The following UBE2E2 variants were observed in gnomAD, a reference collection of about 807,000 sequenced individuals.
UBE2E2 encodes ubiquitin-conjugating enzyme E2 E2.
In UBE2E2, 6 loss-of-function variants were observed where a neutral mutation model predicts 24.7. The ratio of observed to expected loss-of-function variants is 0.24; its 90% CI spans 0.13 to 0.48. The LOEUF is 0.48. Among genes scored for constraint, UBE2E2 ranks in the 20% least tolerant of loss-of-function variants. The pLI is 0.99. For synonymous variants in UBE2E2, 104 were observed against 83.6 expected (o/e 1.24, Z -1.33); for missense variants, 169 against 245.0 (o/e 0.69, Z 2.07).
At chr3:23,482,543 G>A (rs1176365349) in intron 3 of UBE2E2, among the ~76,000 whole-genome samples, 1 of 152,024 alleles carries the variant, frequency 6.6e-6, no homozygotes, top group African/African-American at 2.4e-5. Context: ...CGCTGTTCTT[G>A]ACTCCCTTTG....
chr3:23,332,336 G>A (rs375678795), intron 3 of UBE2E2, among the ~76,000 whole-genome samples: 35 of 152,110 alleles, frequency 2.3e-4, no homozygotes, highest in East Asian at 1.4e-3. Context: ...TAGAGATGGG[G>A]CTTCATGATG....
chr3:23,357,229 G>A (rs1038288957), intron 3 of UBE2E2, among the ~76,000 whole-genome samples: 3 of 152,206 alleles, frequency 2.0e-5, no homozygotes, highest in Non-Finnish European at 4.4e-5. Context: ...TATTTGGGCA[G>A]TGTAAGGTTT....
intron 3 of UBE2E2, among the ~76,000 whole-genome samples, chr3:23,413,716 TA>T (rs759321990): frequency 6.6e-6 from 1 of 152,146 alleles, no homozygotes; most frequent in Non-Finnish European, 1.5e-5. Flanking sequence ...CGTCATCCAC[TA>T]GAGAGTAATT....
At chr3:23,521,310 A>C (rs896907251) in intron 4 of UBE2E2, among the ~76,000 whole-genome samples, 2 of 152,238 alleles carry the variant, frequency 1.3e-5, no homozygotes, top group Non-Finnish European at 2.9e-5. Flanking sequence ...CACTGTCTTT[A>C]GTTAAACAGC....
At position 23,271,448 on chromosome 3, in the gene UBE2E2, A is replaced by G. The variant is rs191041012; in HGVS notation, c.227+54136A>G. On this transcript the variant is annotated intron_variant, in intron 3 of 5. Coordinates refer to ENST00000396703, the MANE Select transcript of UBE2E2 (RefSeq NM_152653.4). ...AAGAGCCAAAGAACAAAGCTTCCAC[A>G]GCGTGGTAAGGGGACCCGAGTGGGT... 2.6e-5 allele frequency among the ~76,000 whole-genome samples: 4 copies of G among 152,316 alleles called. No homozygotes were observed. The East Asian group carries it at 7.7e-4, about 29-fold the overall frequency.
intron 5 of UBE2E2, among the ~76,000 whole-genome samples, chr3:23,568,438 T>A (rs1696128742): frequency 6.6e-6 from 1 of 151,856 alleles, no homozygotes. Flanking sequence ...TTATTATCAT[T>A]TTTTCTTTCG....
chr3:23,313,778 T>A (rs1694488688), intron 3 of UBE2E2, among the ~76,000 whole-genome samples: 1 of 152,186 alleles, frequency 6.6e-6, no homozygotes, highest in South Asian at 2.1e-4. Context: ...AGTAAGGATT[T>A]GCTCCTGCCG....
rs150242876 is a variant in UBE2E2 at position 23,272,560 on chromosome 3, G to A, written c.227+55248G>A. The stretch of plus-strand genomic sequence containing the variant: ...GCCGCCAGCACGTTGTCACCTCTCA[G>A]TATGAGTGTGTTGTAGTGTATGTGT... On this transcript the variant is annotated intron_variant, in intron 3 of 5. Transcript: ENST00000396703. 4.1e-3 allele frequency among the ~76,000 whole-genome samples: 618 copies of A among 152,346 alleles called. 3 individuals are homozygous for A. The highest frequency in any genetic ancestry group is 0.017 in the Middle Eastern group (5 of 294).
chr3:23,458,428 T>TGGTGG (rs76760747), intron 3 of UBE2E2, among the ~76,000 whole-genome samples: 9 of 148,066 alleles, frequency 6.1e-5, no homozygotes, highest in African/African-American at 1.0e-4. Context: ...GTGGTGGTGG[T>TGGTGG]TGTTGTTGTT....
intron 3 of UBE2E2, among the ~76,000 whole-genome samples, chr3:23,433,221 TC>T (rs1698107047): frequency 6.6e-6 from 1 of 151,928 alleles, no homozygotes; most frequent in African/African-American, 2.4e-5. Context: ...ATATCTTTTC[TC>T]CCAAGTGAAT....
At chr3:23,562,568 A>G (rs969827346) in intron 5 of UBE2E2, among the ~76,000 whole-genome samples, 2 of 152,142 alleles carry the variant, frequency 1.3e-5, no homozygotes, top group Non-Finnish European at 2.9e-5. Flanking sequence ...TGGTATCAGG[A>G]TGATGCTGGC....
intron 5 of UBE2E2, among the ~76,000 whole-genome samples, chr3:23,571,280 C>CTTTTTTTTTTTTT (rs59243406): frequency 0.02 from 586 of 29,850 alleles, 199 homozygotes; most frequent in African/African-American, 0.028. Flanking sequence ...GTGCTCCTTT[C>CTTTTTTTTTTTTT]TTTTTTTTTT....
chr3:23,462,785 A>C (rs1417289144), intron 3 of UBE2E2, among the ~76,000 whole-genome samples: 1 of 152,146 alleles, frequency 6.6e-6, no homozygotes, highest in East Asian at 1.9e-4. Flanking sequence ...TAGAAGAGTT[A>C]CAGTTCTTTT....
At chr3:23,447,718 C>T (rs2125413748) in intron 3 of UBE2E2, among the ~76,000 whole-genome samples, 1 of 152,248 alleles carries the variant, frequency 6.6e-6, no homozygotes, top group South Asian at 2.1e-4. Flanking sequence ...GACTGTTACA[C>T]TTATCAAGAG....
At chr3:23,316,407 C>T (rs149563221) in intron 3 of UBE2E2, among the ~76,000 whole-genome samples, 261 of 152,088 alleles carry the variant, frequency 1.7e-3, no homozygotes, top group African/African-American at 6.1e-3. Context: ...CACAGGCCCA[C>T]AGGGAGTACT....
rs5847227 is a variant in UBE2E2, at chr3:23,257,512, G to GCCCCCC, written c.227+40211_227+40216dup. ...GGAATTTCTTCTGGCTGTTTCCCGT[G>GCCCCCC]CCCCCCCCCCCCCCCCACTTTTTTT... On this transcript the variant is annotated intron_variant, in intron 3 of 5. Coordinates refer to ENST00000396703, the MANE Select transcript of UBE2E2 (RefSeq NM_152653.4). 9.3e-4 allele frequency among the ~76,000 whole-genome samples: 29 copies of GCCCCCC among 31,142 alleles called. 2 individuals are homozygous for GCCCCCC. Among genetic ancestry groups the GCCCCCC allele is most frequent in the Non-Finnish European group, 1.4e-3 (23 of 16,942 alleles). 20.4% of individuals were successfully genotyped at this position (31,142 alleles called of 152,430 possible).
chr3:23,241,606 T>C (rs1411215198), intron 3 of UBE2E2, among the ~76,000 whole-genome samples: 3 of 152,084 alleles, frequency 2.0e-5, no homozygotes, highest in African/African-American at 7.2e-5. Flanking sequence ...TCGGTGAGGC[T>C]AACCCTGATC....
intron 3 of UBE2E2, among the ~76,000 whole-genome samples, chr3:23,248,286 A>G (rs1283606235): frequency 6.6e-6 from 1 of 152,234 alleles, no homozygotes; most frequent in African/African-American, 2.4e-5. Context: ...GAATTAACCC[A>G]CATCCTCACT....
intron 3 of UBE2E2, among the ~76,000 whole-genome samples, chr3:23,241,452 G>A (rs2125338282): frequency 6.6e-6 from 1 of 152,284 alleles, no homozygotes; most frequent in South Asian, 2.1e-4. Context: ...AGAGTGATCA[G>A]GGCCCCCTTT....
Sources: allele counts gnomAD v4.1 joint callset (sites outside exome capture counted in the v4.1 genomes callset), GRCh38; gene constraint gnomAD v4.1.1; transcripts MANE v1.5; gene names NCBI Gene and HGNC (gene_info 2026-07-23, HGNC 2026-07-21).